GCAT: variants seen among roughly 807,000 people sequenced by gnomAD.
GCAT encodes the protein 2-amino-3-ketobutyrate coenzyme A ligase, mitochondrial.
A neutral mutation model predicts 39.7 loss-of-function variants in GCAT; 26 were observed. That is an observed-to-expected ratio of 0.65 (90% CI 0.48 to 0.91). The LOEUF (loss-of-function observed/expected upper bound fraction) is 0.91, where lower values mean the gene tolerates loss of function less well. Among genes scored for constraint, GCAT ranks in the 40% least tolerant of loss-of-function variants. The probability of loss-of-function intolerance (pLI) is 0.00; values close to 1 mark genes in which losing one functional copy is unlikely to be tolerated. For synonymous variants in GCAT, 218 were observed against 237.2 expected (o/e 0.92, Z 0.74); for missense variants, 550 against 576.2 (o/e 0.95, Z 0.47).
intron 3 of GCAT, 36 bp downstream of exon 3, chr22:37,813,024 G>A (rs1437366991): frequency 7.0e-7 from 1 of 1,421,352 alleles, no homozygotes; most frequent in East Asian, 2.3e-5. Flanking sequence ...AGGGTTGGTG[G>A]GGCCTGTTAG....
In GCAT at chr22:37,808,715, C is replaced by T. The variant is rs534955342; in HGVS notation, c.196+552C>T. On this transcript the variant is annotated intron_variant, in intron 1 of 8. Transcript: ENST00000248924. Reference sequence around the variant, plus strand: ...TTTTTTTTCTGAGATGGAGTCTCGTCTTGCTCTGTCGCCCAGGCTGGAGTG... The same window carrying T: ...TTTTTTTTCTGAGATGGAGTCTCGTTTTGCTCTGTCGCCCAGGCTGGAGTG... Among the ~76,000 whole-genome samples the T allele has an allele frequency of 4.6e-5, 7 of 152,088 alleles. No individual in the cohort carries two copies. In the South Asian group the frequency reaches 1.2e-3, roughly 27 times the overall value.
chr22:37,813,198 G>T, intron 3 of GCAT: 1 of 646,062 alleles, frequency 1.5e-6, no homozygotes, highest in South Asian at 1.8e-5. Context: ...GCCTTTGGGG[G>T]ATAAGCTACA....
At chr22:37,813,256 A>T (rs1229856616) in intron 3 of GCAT, 1 of 707,048 alleles carries the variant, frequency 1.4e-6, no homozygotes. Context: ...CACCAAATAT[A>T]TTCTCACCTC....
chr22:37,816,023 C>T (rs376898219), intron 7 of GCAT, 177 bp from the exon 8 acceptor site: 9 of 448,098 alleles, frequency 2.0e-5, no homozygotes, highest in African/African-American at 1.3e-4. Context: ...TGTCTTTCCA[C>T]CTCCCTTGTT....
At chr22:37,815,598 G>T in intron 6 of GCAT, 65 bp from the exon 7 acceptor site, 1 of 1,487,724 alleles carries the variant, frequency 6.7e-7, no homozygotes, top group Non-Finnish European at 9.3e-7. Flanking sequence ...TGTACTTTCA[G>T]GAGGGGGTTG....
At position 37,815,507 on chromosome 22, in the gene GCAT, G is replaced by A. The variant is rs1470413993; in HGVS notation, c.814+7G>A. On this transcript the variant is annotated splice_region_variant and intron_variant, in intron 6 of 8. Transcript: ENST00000248924. Reference sequence around the variant, plus strand: ...GCCCTGGGTGGAGCATCAGGTACCTGCAAGGTTGTGTCCCTGGGGTCCCCT... The same window carrying A: ...GCCCTGGGTGGAGCATCAGGTACCTACAAGGTTGTGTCCCTGGGGTCCCCT... 1 of 1,599,950 alleles carries A rather than the reference G, an allele frequency of 6.3e-7. No homozygotes were observed. Among genetic ancestry groups the A allele is most frequent in the Non-Finnish European group, 8.5e-7 (1 of 1,171,950 alleles).
chr22:37,816,992 G>C, downstream of GCAT: 1 of 402,302 alleles, frequency 2.5e-6, no homozygotes, highest in Non-Finnish European at 4.6e-6. Flanking sequence ...AGGCGCCTGA[G>C]GACTGCAGAT....
chr22:37,810,111 A>T lies in GCAT; in HGVS notation c.281A>T (p.Glu94Val), dbSNP rs756869489. The T allele has an allele frequency of 6.2e-7, 1 of 1,614,070 alleles. No individual in the cohort carries two copies. Among genetic ancestry groups the T allele is most frequent in the East Asian group, 2.2e-5 (1 of 44,872 alleles). The change falls in exon 2 of 9, where the codon GAG becomes GTG. Residue 94 changes from glutamate to valine, a missense_variant. Physicochemically the swap from Glu to Val is moderately radical, Grantham distance 121. Around this residue, in one of 3 missense-constraint regions of GCAT, gnomAD observed 154 missense variants for 141.9 expected, o/e 1.08. Transcript: ENST00000248924. ...CAGGCAGGTCTGCAGGCTCTGGAGG[A>T]GTTTGGAGCTGGCCTCAGCTCTGTC... is the stretch of plus-strand genomic sequence containing the variant. Reference protein sequence around the residue: ...VIQAGLQALEEFGAGLSSVRF... With the variant: ...VIQAGLQALEVFGAGLSSVRF...
intron 2 of GCAT, among the ~76,000 whole-genome samples, chr22:37,811,247 C>T (rs1921552931): frequency 6.6e-6 from 1 of 152,142 alleles, no homozygotes; most frequent in African/African-American, 2.4e-5. Context: ...CTTTGGGAGG[C>T]TGATGCAGGC....
At chr22:37,816,373 G>T in intron 8 of GCAT, 52 bp downstream of exon 8, 1 of 1,596,414 alleles carries the variant, frequency 6.3e-7, no homozygotes, top group Non-Finnish European at 8.5e-7. Context: ...AGAAGAGAAA[G>T]GGAAACCCCT....
At chr22:37,812,816 G>T in intron 2 of GCAT, 71 bp from the exon 3 acceptor site, 1 of 1,051,574 alleles carries the variant, frequency 9.5e-7, no homozygotes, top group Non-Finnish European at 1.5e-6. Context: ...GGTCCTCCAA[G>T]CCTCTGTCCC....
chr22:37,814,526 G>A (rs1921946782), intron 4 of GCAT, among the ~76,000 whole-genome samples: 1 of 152,180 alleles, frequency 6.6e-6, no homozygotes, highest in Non-Finnish European at 1.5e-5. Flanking sequence ...GCCTCCCAAA[G>A]TGTTGGGATT....
intron 7 of GCAT, 40 bp downstream of exon 7, chr22:37,815,874 G>A (rs1207424264): frequency 7.5e-6 from 12 of 1,606,880 alleles, no homozygotes; most frequent in South Asian, 1.1e-5. Context: ...GCGGAGAGAC[G>A]TGGTGAGAGC....
At chr22:37,811,826 C>G (rs1189887802) in intron 2 of GCAT, among the ~76,000 whole-genome samples, 1 of 143,062 alleles carries the variant, frequency 7.0e-6, no homozygotes, top group Non-Finnish European at 1.5e-5. Flanking sequence ...CAGTGAGCCA[C>G]GACGGTGCGA....
At position 37,815,395 on chromosome 22, in the gene GCAT, A is replaced by G. The variant is rs143194675; in HGVS notation, c.732-23A>G. 6.2e-5 allele frequency: 100 copies of G among 1,605,164 alleles called. 1 individual carries two copies. The East Asian group carries it at 2.2e-3, about 36-fold the overall frequency. On this transcript the variant is annotated intron_variant, in intron 5 of 8. Transcript: ENST00000248924. ...CCTGGGCTCTCAGGAGGCCAGTGACAGCAGCGGTGGCTTCCCTTGCAGGGG... is the reference window on the plus strand; with the variant it reads ...CCTGGGCTCTCAGGAGGCCAGTGACGGCAGCGGTGGCTTCCCTTGCAGGGG...
At chr22:37,817,008 C>G, downstream of GCAT, 2 of 343,326 alleles carry the variant, frequency 5.8e-6, no homozygotes, top group Admixed American at 3.8e-5. Flanking sequence ...CAGATCTCCA[C>G]TGACCTCTTT....
downstream of GCAT, chr22:37,816,903 TG>T: frequency 1.6e-6 from 1 of 612,398 alleles, no homozygotes; most frequent in South Asian, 2.0e-5. Flanking sequence ...TGTGACACTC[TG>T]GTCTGCTTTA....
chr22:37,815,725 C>G lies in GCAT; in HGVS notation c.877C>G (p.Leu293Val), dbSNP rs1353937571. ...GCTGCGGCAGCGCGCCCGGCCATAC[C>G]TCTTCTCCAACAGTCTGCCACCTGC... ...SLLRQRARPY[L>V]FSNSLPPAVV... is the part of the protein sequence containing the mutation. The change falls in exon 7 of 9, where the codon CTC becomes GTC. Residue 293 changes from leucine to valine, a missense_variant. Physicochemically the swap from Leu to Val is conservative, Grantham distance 32. Transcript: ENST00000248924. 1.9e-6 allele frequency: 3 copies of G among 1,613,674 alleles called. No homozygotes were observed. Among genetic ancestry groups the G allele is most frequent in the South Asian group, 2.2e-5 (2 of 91,086 alleles).
In GCAT at chr22:37,808,135, G is replaced by A. The variant is rs1188205999; in HGVS notation, c.168G>A (p.Pro56=). ...SERVITSRQG[P]HIRVDGVSGG... ...GGGTCATCACGTCCCGTCAGGGGCCGCACATCCGCGTGGACGGCGTCTCCG... is the reference window on the plus strand; with the variant it reads ...GGGTCATCACGTCCCGTCAGGGGCCACACATCCGCGTGGACGGCGTCTCCG... Residue 56 remains proline, a synonymous_variant, in exon 1 of 9, where the codon CCG becomes CCA. Transcript: ENST00000248924. 3 of 1,532,982 alleles carry A rather than the reference G, an allele frequency of 2.0e-6. No homozygotes were observed. Among genetic ancestry groups the A allele is most frequent in the Admixed American group, 4.1e-5 (2 of 49,342 alleles). 95.0% of individuals were successfully genotyped at this position (1,532,982 alleles called of 1,614,324 possible). A position where few individuals can be genotyped will look rare whatever the true frequency, so the allele number is the denominator to read the frequency against.
Sources: gnomAD v4.1 joint callset for allele counts (sites outside exome capture counted in the v4.1 genomes callset) on GRCh38, gnomAD v4.1.1 for gene constraint, gnomAD v4.1.1 regional missense constraint, MANE v1.5 for transcripts, NCBI Gene and HGNC (gene_info 2026-07-23, HGNC 2026-07-21) for gene names.